KRT74: variants seen among roughly 807,000 people sequenced by gnomAD.
KRT74 encodes the protein keratin 74.
Under a neutral mutation model 42.7 loss-of-function variants are expected in KRT74, and 43 were observed. That is an observed-to-expected ratio of 1.01 (90% CI 0.79 to 1.30). The LOEUF is 1.30. Ranked by LOEUF, KRT74 falls within the 50% of genes most tolerant of loss-of-function variation. KRT74 has a pLI of 0.00. For missense variants in KRT74, 736 were observed against 689.1 expected, an observed-to-expected ratio of 1.07 and a Z score of -0.76; for synonymous variants, 302 against 279.0, an observed-to-expected ratio of 1.08 and a Z score of -0.82.
At chr12:52,571,328 G>T in intron 4 of KRT74, 31 bp downstream of exon 4, 1 of 1,319,676 alleles carries the variant, frequency 7.6e-7, no homozygotes, top group Non-Finnish European at 1.1e-6. Context: ...AAGGAGGCAG[G>T]GTGAGGGTGG....
At chr12:52,571,525 T>C (rs1441561831) in intron 3 of KRT74, 71 bp from the exon 4 acceptor site, 2 of 1,070,812 alleles carry the variant, frequency 1.9e-6, no homozygotes, top group African/African-American at 1.5e-5. Context: ...AACTCCTGCC[T>C]CAAAGCCACC....
At chr12:52,573,138 T>C (rs1592214504) in intron 1 of KRT74, among the ~76,000 whole-genome samples, 169 bp downstream of exon 1, 2 of 152,204 alleles carry the variant, frequency 1.3e-5, no homozygotes, top group South Asian at 4.1e-4. Flanking sequence ...ATTCATGTAT[T>C]CCTTTGTCCT....
In KRT74 at chr12:52,569,673, G is replaced by C. The variant is rs549679507; in HGVS notation, c.1134+186C>G. On this transcript the variant is annotated intron_variant, in intron 6 of 8. Coordinates refer to ENST00000305620, the MANE Select transcript of KRT74 (RefSeq NM_175053.4). ...AGAAATAGGTTTGAGGCTCCTCCCA[G>C]TTCTGGGCGGGGTACCAGCTCTGAT... 8.0e-4 allele frequency: 578 copies of C among 719,960 alleles called. 8 individuals carry two copies. The highest frequency in any genetic ancestry group is 6.4e-3 in the South Asian group (379 of 59,664). 44.6% of individuals were successfully genotyped at this position (719,960 alleles called of 1,614,324 possible). A position where few individuals can be genotyped will look rare whatever the true frequency, so the allele number is the denominator to read the frequency against.
chr12:52,570,107 G>T, intron 5 of KRT74, 123 bp from the exon 6 acceptor site: 1 of 1,139,736 alleles, frequency 8.8e-7, no homozygotes, highest in Non-Finnish European at 1.3e-6. Context: ...AGGAGTGCTG[G>T]GACAGGGTCC....
chr12:52,568,375 C>T lies in KRT74; in HGVS notation c.1149G>A (p.Glu383=). Reference sequence around the variant, plus strand: ...GCTGCTCAGCGTCAGCGATGGCCGTCTCCAGGCTGGCACGCTGAAGGGCAA... The same window carrying T: ...GCTGCTCAGCGTCAGCGATGGCCGTTTCCAGGCTGGCACGCTGAAGGGCAA... ...GNVKKQRASL[E]TAIADAEQRG... Residue 383 remains glutamate (E), a synonymous_variant, in exon 7 of 9, where the codon GAG becomes GAA. Transcript: ENST00000305620. The T allele has an allele frequency of 6.2e-7, 1 of 1,614,238 alleles. No individual in the cohort carries two copies. The highest frequency in any genetic ancestry group is 8.5e-7 in the Non-Finnish European group (1 of 1,180,060).
In KRT74 at chr12:52,571,466, C is replaced by T. The variant is rs762350711; in HGVS notation, c.748-12G>A. 2.0e-5 allele frequency: 32 copies of T among 1,605,440 alleles called. No individual in the cohort carries two copies. In the East Asian group the frequency reaches 2.9e-4, roughly 15 times the overall value. On this transcript the variant is annotated splice_polypyrimidine_tract_variant and intron_variant, in intron 3 of 8. Transcript: ENST00000305620. The stretch of plus-strand genomic sequence containing the variant: ...GCTGCATCTGCATCCTGCCAAGAGG[C>T]CCCAGAGTCATTGGGGGATGCAACC...
chr12:52,569,230 T>C (rs1026341894), intron 6 of KRT74, among the ~76,000 whole-genome samples: 1 of 151,784 alleles, frequency 6.6e-6, no homozygotes, highest in Non-Finnish European at 1.5e-5. Flanking sequence ...GTGTTTAAAA[T>C]TTGCTGCTGT....
intron 6 of KRT74, 28 bp from the exon 7 acceptor site, chr12:52,568,417 C>G: frequency 6.2e-7 from 1 of 1,610,528 alleles, no homozygotes; most frequent in South Asian, 1.1e-5. Context: ...GAGAGACCAT[C>G]AGAACAGAAA....
chr12:52,572,145 T>G, intron 2 of KRT74, 141 bp from the exon 3 acceptor site: 1 of 753,104 alleles, frequency 1.3e-6, no homozygotes, highest in Middle Eastern at 3.6e-4. Context: ...AGGAGTAAGA[T>G]ATCCCTGAGT....
At chr12:52,569,048 A>C (rs1437227506) in intron 6 of KRT74, among the ~76,000 whole-genome samples, 2 of 152,182 alleles carry the variant, frequency 1.3e-5, no homozygotes, top group Non-Finnish European at 2.9e-5. Context: ...GTAGAGTCGT[A>C]GAGTTGTCCC....
rs748831078 is a variant in KRT74 at position 52,571,398 on chromosome 12, C to T, written c.804G>A (p.Leu268=). 6.2e-7 allele frequency: 1 copy of T among 1,613,776 alleles called. No individual in the cohort carries two copies. Among genetic ancestry groups the T allele is most frequent in the African/African-American group, 1.3e-5 (1 of 75,002 alleles). ...KVELQAKVDS[L]DKEIKFLKCL... is the part of the protein sequence containing the mutation. ...ACTTGAGGAACTTGATTTCTTTGTC[C>T]AGTGAGTCCACTTTGGCCTGAAGCT... The change falls in exon 4 of 9, where the codon CTG becomes CTA. Residue 268 remains leucine, a synonymous_variant. Transcript: ENST00000305620.
chr12:52,567,556 T>A (rs769999536), intron 8 of KRT74, 103 bp downstream of exon 8: 5 of 898,102 alleles, frequency 5.6e-6, no homozygotes, highest in Non-Finnish European at 9.5e-6. Flanking sequence ...CCCAAGACAG[T>A]AACAGAAGCT....
Position 52,571,306 on chromosome 12 carries a change from G to A in KRT74, c.843+53C>T, listed in dbSNP as rs17115508. The A allele has an allele frequency of 1.4e-3, 1,587 of 1,094,550 alleles. 37 individuals are homozygous for A. The East Asian group carries it at 0.032, about 22-fold the overall frequency. The allele number at this position is 1,094,550 out of a possible 1,614,324, so 67.8% of individuals were successfully genotyped here. ...AAATCTCTCCTTTTGGTATCTCCCT[G>A]GAAGAGTCGGGAAGGAGGCAGGGTG... is the stretch of plus-strand genomic sequence containing the variant. On this transcript the variant is annotated intron_variant, in intron 4 of 8. Coordinates refer to ENST00000305620, the MANE Select transcript of KRT74 (RefSeq NM_175053.4).
At chr12:52,571,253 C>T (rs1939475425) in intron 4 of KRT74, 106 bp downstream of exon 4, 2 of 824,100 alleles carry the variant, frequency 2.4e-6, no homozygotes, top group Non-Finnish European at 4.2e-6. Context: ...TACCTTTCTA[C>T]CAAAACATCT....
At chr12:52,571,486 G>T in intron 3 of KRT74, 32 bp from the exon 4 acceptor site, 1 of 1,507,542 alleles carries the variant, frequency 6.6e-7, no homozygotes, top group Non-Finnish European at 9.2e-7. Flanking sequence ...ATTGGGGGAT[G>T]CAACCCTCAT....
intron 1 of KRT74, 54 bp from the exon 2 acceptor site, chr12:52,572,721 C>T: frequency 1.3e-6 from 2 of 1,517,864 alleles, no homozygotes; most frequent in Non-Finnish European, 1.8e-6. Context: ...GTCATGCCCC[C>T]TGGACACACA....
chr12:52,570,824 G>C lies in KRT74; in HGVS notation c.853C>G (p.Gln285Glu), dbSNP rs147781415. The C allele has an allele frequency of 1.2e-5, 19 of 1,614,246 alleles. No homozygotes were observed. Among genetic ancestry groups the C allele is most frequent in the Non-Finnish European group, 1.5e-5 (18 of 1,180,030 alleles). Reference protein sequence around the residue: ...LKCLYDAEIAQIQTHASETSV... With the variant: ...LKCLYDAEIAEIQTHASETSV... ...GTCTCACTGGCGTGAGTCTGGATCT[G>C]AGCGATCTCCTGCATTGAGAGAGGA... The change falls in exon 5 of 9, where the codon CAG becomes GAG. Residue 285 changes from glutamine (Q) to glutamate (E), a missense_variant. Gln to Glu is a conservative substitution (Grantham distance 29). Coordinates refer to ENST00000305620, the MANE Select transcript of KRT74 (RefSeq NM_175053.4).
Position 52,566,684 on chromosome 12 carries a change from C to T in KRT74, c.*285G>A, listed in dbSNP as rs977354082. 4.6e-5 allele frequency: 17 copies of T among 368,092 alleles called. No homozygotes were observed. Among genetic ancestry groups the T allele is most frequent in the Non-Finnish European group, 9.8e-6 (2 of 205,098 alleles). 22.8% of individuals were successfully genotyped at this position (368,092 alleles called of 1,614,324 possible). On this transcript the variant is annotated 3_prime_UTR_variant, in exon 9 of 9. Coordinates refer to ENST00000305620, the MANE Select transcript of KRT74 (RefSeq NM_175053.4). ...TCTTTCTAGGGATGATCACAGCTTC[C>T]TTAGGGCCAAGAAGGTTATAATGGC...
In KRT74 at chr12:52,569,872, T is replaced by C. The variant is rs746489075; in HGVS notation, c.1121A>G (p.Asn374Ser). The C allele has an allele frequency of 8.1e-6, 13 of 1,614,048 alleles. No individual in the cohort carries two copies. The East Asian group carries it at 2.9e-4, about 36-fold the overall frequency. Reference protein sequence around the residue: ...LIQRIRCEIGNVKKQRASLET... With the variant: ...LIQRIRCEIGSVKKQRASLET... ...GCTGCTGCCCACCTGCTTCTTCACA[T>C]TCCCGATCTCACACCGGATCCTCTG... The change falls in exon 6 of 9, where the codon AAT (asparagine) becomes AGT (serine). Residue 374 changes from asparagine to serine, a missense_variant. Coordinates refer to ENST00000305620, the MANE Select transcript of KRT74 (RefSeq NM_175053.4).
Sources: allele counts gnomAD v4.1 joint callset (sites outside exome capture counted in the v4.1 genomes callset), GRCh38; gene constraint gnomAD v4.1.1; transcripts MANE v1.5; gene names NCBI Gene and HGNC (gene_info 2026-07-23, HGNC 2026-07-21).